NUMB: variants seen among roughly 807,000 people sequenced by gnomAD.
NUMB encodes the protein protein numb homolog.
In NUMB, 29 loss-of-function variants were observed where a neutral mutation model predicts 59.7. That is an observed-to-expected ratio of 0.49 (90% CI 0.36 to 0.66). The LOEUF (loss-of-function observed/expected upper bound fraction) is 0.66, where lower values mean the gene tolerates loss of function less well. Among genes scored for constraint, NUMB ranks in the 30% least tolerant of loss-of-function variants. The pLI, the probability that NUMB is intolerant of heterozygous loss-of-function variation, is 0.00. For missense variants in NUMB, 723 were observed against 822.0 expected (o/e 0.88, Z 1.47); for synonymous variants, 288 against 288.2 (o/e 1.00, Z 0.01).
intron 6 of NUMB, among the ~76,000 whole-genome samples, chr14:73,304,968 T>C (rs1890344122): frequency 1.3e-5 from 2 of 151,984 alleles, no homozygotes; most frequent in East Asian, 2.0e-4. Context: ...GGTTTCACCA[T>C]GTTGGCCAGG....
chr14:73,328,547 T>G (rs928924028), intron 4 of NUMB, among the ~76,000 whole-genome samples: 3 of 152,206 alleles, frequency 2.0e-5, no homozygotes, highest in African/African-American at 4.8e-5. Context: ...CCACCTGCAA[T>G]GTATGAGTTC....
chr14:73,317,160 G>C (rs1891128212), intron 5 of NUMB, among the ~76,000 whole-genome samples: 1 of 152,134 alleles, frequency 6.6e-6, no homozygotes, highest in South Asian at 2.1e-4. Flanking sequence ...ATCTATTAAG[G>C]TTACAAGGCT....
At chr14:73,432,418 C>T (rs1210993720) in intron 1 of NUMB, among the ~76,000 whole-genome samples, 1 of 151,960 alleles carries the variant, frequency 6.6e-6, no homozygotes, top group Non-Finnish European at 1.5e-5. Context: ...GGAATGAATG[C>T]TACTCAATAA....
intron 4 of NUMB, among the ~76,000 whole-genome samples, chr14:73,323,785 A>C (rs2139925996): frequency 6.6e-6 from 1 of 152,328 alleles, no homozygotes; most frequent in African/African-American, 2.4e-5. Flanking sequence ...AGATACATAA[A>C]ATTTGAAGAG....
intron 2 of NUMB, among the ~76,000 whole-genome samples, chr14:73,393,406 T>A (rs1895953624): frequency 6.6e-6 from 1 of 152,204 alleles, no homozygotes; most frequent in South Asian, 2.1e-4. Flanking sequence ...GTCAAGAACA[T>A]AAACTTTGGA....
intron 6 of NUMB, chr14:73,297,811 A>G (rs1889879186): frequency 6.6e-6 from 1 of 152,390 alleles, no homozygotes; most frequent in Non-Finnish European, 1.5e-5. Flanking sequence ...AAAACACAGT[A>G]AGTCTTCATT....
rs1170959840 is a variant in NUMB at position 73,352,477 on chromosome 14, CATATATAT to C, written c.126+3141_126+3148del. ...ACACACATACACACACACACACACA[CATATATAT>C]ATATATATATATATATATATATATA... is the stretch of plus-strand genomic sequence containing the variant. On this transcript the variant is annotated intron_variant, in intron 4 of 12. Transcript: ENST00000555238. Among the ~76,000 whole-genome samples the C allele has an allele frequency of 8.2e-3, 104 of 12,672 alleles. 1 individual carries two copies. The highest frequency in any genetic ancestry group is 0.054 in the South Asian group (8 of 148). 8.3% of individuals were successfully genotyped at this position (12,672 alleles called of 152,430 possible).
chr14:73,396,324 GTGT>G lies in NUMB; in HGVS notation c.-101+13610_-101+13612del, dbSNP rs1566778631. 1.2e-3 allele frequency among the ~76,000 whole-genome samples: 48 copies of G among 41,366 alleles called. No homozygotes were observed. In the African/African-American group the frequency reaches 0.014, roughly 12 times the overall value. 27.1% of individuals were successfully genotyped at this position (41,366 alleles called of 152,430 possible). A position where few individuals can be genotyped will look rare whatever the true frequency, so the allele number is the denominator to read the frequency against. On this transcript the variant is annotated intron_variant, in intron 2 of 12. Transcript: ENST00000555238. ...TCTATTTACTTTAATTATTAGGGGTGTGTGTGTGTGTGTGTGTGTGTGTGTGTG... is the reference window on the plus strand; with the variant it reads ...TCTATTTACTTTAATTATTAGGGGTGGTGTGTGTGTGTGTGTGTGTGTGTG...
In NUMB at chr14:73,275,437, T is replaced by G. The variant is rs1566719277; in HGVS notation, c.*1141A>C. 1 of 151,786 alleles carries G rather than the reference T, an allele frequency of 6.6e-6. No individual in the cohort carries two copies. The highest frequency in any genetic ancestry group is 1.5e-5 in the Non-Finnish European group (1 of 67,888). The allele number at this position is 151,786 out of a possible 1,614,324, so 9.4% of individuals were successfully genotyped here. Reference sequence around the variant, plus strand: ...ACACACAAAGCTAATAAAACCAGAATCCCCATCCCCACAAAACTCATGGGA... The same window carrying G: ...ACACACAAAGCTAATAAAACCAGAAGCCCCATCCCCACAAAACTCATGGGA... On this transcript the variant is annotated 3_prime_UTR_variant, in exon 13 of 13. Coordinates refer to ENST00000555238, the MANE Select transcript of NUMB (RefSeq NM_001005743.2).
Position 73,367,306 on chromosome 14 carries a change from C to T in NUMB, c.-100-325G>A, listed in dbSNP as rs1301140820. On this transcript the variant is annotated intron_variant, in intron 2 of 12. Transcript: ENST00000555238. ...ATATATATATATATATACACACACA[C>T]ACACACACACACACACATATATACA... Among the ~76,000 whole-genome samples, 10 of 124,348 alleles carry T rather than the reference C, an allele frequency of 8.0e-5. No homozygotes were observed. The South Asian group carries it at 9.7e-4, about 12-fold the overall frequency. 81.6% of individuals were successfully genotyped at this position (124,348 alleles called of 152,430 possible).
At chr14:73,456,676 T>G (rs1884396471) in intron 1 of NUMB, among the ~76,000 whole-genome samples, 1 of 152,232 alleles carries the variant, frequency 6.6e-6, no homozygotes, top group Non-Finnish European at 1.5e-5. Flanking sequence ...GAGTATCCTT[T>G]ATAATAGGAT....
chr14:73,277,386 A>T, intron 12 of NUMB, 93 bp from the exon 13 acceptor site: 5 of 966,796 alleles, frequency 5.2e-6, no homozygotes, highest in African/African-American at 1.6e-5. Context: ...TAACATGTAC[A>T]ACATGTCCCC....
chr14:73,442,436 T>G (rs533263907), intron 1 of NUMB, among the ~76,000 whole-genome samples: 2 of 152,128 alleles, frequency 1.3e-5, no homozygotes, highest in South Asian at 2.1e-4. Context: ...TGAAAACACA[T>G]GTCCACACAA....
At chr14:73,446,771 T>A (rs1883543177) in intron 1 of NUMB, among the ~76,000 whole-genome samples, 1 of 151,072 alleles carries the variant, frequency 6.6e-6, no homozygotes. Flanking sequence ...AAAAAAAAAT[T>A]AATAAATAAA....
At chr14:73,287,577 T>C (rs1300888435) in intron 8 of NUMB, among the ~76,000 whole-genome samples, 1 of 151,906 alleles carries the variant, frequency 6.6e-6, no homozygotes, top group Admixed American at 6.6e-5. Flanking sequence ...GGGGTTTTGC[T>C]ATGTTGGGCA....
chr14:73,372,402 C>T (rs935363576), intron 2 of NUMB, among the ~76,000 whole-genome samples: 159 of 129,562 alleles, frequency 1.2e-3, no homozygotes, highest in Non-Finnish European at 9.4e-4. Flanking sequence ...TCAGTGTATA[C>T]GCATACACAC....
intron 5 of NUMB, among the ~76,000 whole-genome samples, chr14:73,317,321 A>G (rs1891138378): frequency 6.9e-6 from 1 of 145,252 alleles, no homozygotes; most frequent in Non-Finnish European, 1.5e-5. Context: ...TTGTTTGTTG[A>G]GTCAGAGTCT....
At chr14:73,379,741 T>A (rs2140074310) in intron 2 of NUMB, among the ~76,000 whole-genome samples, 1 of 152,266 alleles carries the variant, frequency 6.6e-6, no homozygotes, top group Non-Finnish European at 1.5e-5. Flanking sequence ...AGTGTACAAG[T>A]CCTTTAGATG....
chr14:73,454,050 G>T (rs1269001467), intron 1 of NUMB, among the ~76,000 whole-genome samples: 1 of 150,864 alleles, frequency 6.6e-6, no homozygotes, highest in East Asian at 1.9e-4. Flanking sequence ...TAAAATGAGG[G>T]AGGGAAAAAG....
Sources: allele counts gnomAD v4.1 joint callset (sites outside exome capture counted in the v4.1 genomes callset), GRCh38; gene constraint gnomAD v4.1.1; transcripts MANE v1.5; gene names NCBI Gene and HGNC (gene_info 2026-07-23, HGNC 2026-07-21).